Variants in SH3TC1 observed in about 807,000 individuals in gnomAD.
SH3TC1 encodes the protein SH3 domain and tetratricopeptide repeats 1.
Under a neutral mutation model 117.3 loss-of-function variants are expected in SH3TC1, and 135 were observed. The observed-to-expected ratio is 1.15, with a 90% CI of 1.00 to 1.33. SH3TC1 has a LOEUF of 1.33. SH3TC1 is among the 40% of genes most tolerant of loss of function. The probability of loss-of-function intolerance (pLI) is 0.00; values close to 1 mark genes in which losing one functional copy is unlikely to be tolerated. For missense variants in SH3TC1, 2,092 were observed against 1,794.3 expected, an observed-to-expected ratio of 1.17 and a Z score of -3.00; for synonymous variants, 898 against 816.9, an observed-to-expected ratio of 1.10 and a Z score of -1.69.
rs1284585546 is a variant in SH3TC1 at position 8,237,548 on chromosome 4, G to C, written c.3631G>C (p.Ala1211Pro). 6.2e-7 allele frequency: 1 copy of C among 1,611,066 alleles called. No homozygotes were observed. The highest frequency in any genetic ancestry group is 1.1e-5 in the South Asian group (1 of 90,690). Residue 1211 changes from alanine to proline, a missense_variant, in exon 17 of 18, where the codon GCA (alanine) becomes CCA (proline). Transcript: ENST00000245105. ...LQHRLGHGEL[A>P]EHFYLKALSL... is the part of the protein sequence containing the mutation. ...ACACCGACTGGGCCATGGCGAGCTG[G>C]CAGAGCACTTCTACCTCAAGGCCCT...
intron 3 of SH3TC1, among the ~76,000 whole-genome samples, chr4:8,211,637 A>T (rs1205106560): frequency 1.3e-5 from 2 of 150,724 alleles, no homozygotes; most frequent in Non-Finnish European, 2.9e-5. Flanking sequence ...CCGAGTCTTG[A>T]CCTGGAGGAT....
Position 8,191,788 on chromosome 4 carries a change from G to A in SH3TC1, c.-57+9578G>A, listed in dbSNP as rs138010587. ...AGGGCTTGATAATGCCTTGGGAGGT[G>A]TGCGGGGCCATCTTTGCTTGTTTGT... On this transcript the variant is annotated intron_variant, in intron 1 of 16. Transcript: ENST00000508641. Among the ~76,000 whole-genome samples the A allele has an allele frequency of 3.3e-5, 5 of 152,104 alleles. No homozygotes were observed. In the East Asian group the frequency reaches 9.7e-4, roughly 30 times the overall value.
intron 12 of SH3TC1, among the ~76,000 whole-genome samples, chr4:8,230,801 T>TTTTTTTTTTG (rs397963394): frequency 2.9e-5 from 4 of 137,834 alleles, no homozygotes; most frequent in Non-Finnish European, 6.4e-5. Context: ...TTTTTTTTTT[T>TTTTTTTTTTG]AGACAGAGTT....
At chr4:8,201,219 C>T (rs529293087) in intron 1 of SH3TC1, among the ~76,000 whole-genome samples, 22 of 152,348 alleles carry the variant, frequency 1.4e-4, no homozygotes, top group African/African-American at 4.8e-4. Flanking sequence ...TCTTCCAACC[C>T]ACATTCACCA....
Position 8,237,659 on chromosome 4 carries a change from T to C in SH3TC1, c.3742T>C (p.Tyr1248His), listed in dbSNP as rs148078169. The C allele has an allele frequency of 2.5e-6, 4 of 1,603,484 alleles. No individual in the cohort carries two copies. The highest frequency in any genetic ancestry group is 3.4e-6 in the Non-Finnish European group (4 of 1,174,036). Residue 1248 changes from tyrosine to histidine, a missense_variant, in exon 17 of 18, where the codon TAC becomes CAC. Physicochemically the swap from Tyr to His is moderately conservative, Grantham distance 83. Transcript: ENST00000245105. ...CCTGGTGCTCGGTGACATCATCTTC[T>C]ACGACCTGAAGGTGGGTGGGGAGGG... ...VYLVLGDIIFYDLKDPFDAAG... is the reference protein window; with the variant it reads ...VYLVLGDIIFHDLKDPFDAAG...
intron 12 of SH3TC1, among the ~76,000 whole-genome samples, chr4:8,230,080 C>T (rs1046127966): frequency 6.6e-6 from 1 of 151,910 alleles, no homozygotes; most frequent in African/African-American, 2.4e-5. Flanking sequence ...TCGAGAAGAC[C>T]GAGGGTGGGG....
At chr4:8,211,975 C>T (rs776990837) in intron 3 of SH3TC1, among the ~76,000 whole-genome samples, 1 of 151,950 alleles carries the variant, frequency 6.6e-6, no homozygotes, top group Non-Finnish European at 1.5e-5. Context: ...GAGGGAGGGC[C>T]AGGTGTGGAC....
intron 15 of SH3TC1, 24 bp from the exon 16 acceptor site, chr4:8,236,254 T>C: frequency 1.3e-6 from 2 of 1,530,448 alleles, no homozygotes; most frequent in African/African-American, 1.4e-5. Flanking sequence ...GCGGGAAGCC[T>C]GACCCCACCT....
At chr4:8,182,101 A>G (rs1365557362) in exon 1 of SH3TC1, 2 of 152,358 alleles carry the variant, frequency 1.3e-5, no homozygotes, top group Non-Finnish European at 1.5e-5. Flanking sequence ...TTGCCTGGAC[A>G]GGGTGCTGGG....
intron 14 of SH3TC1, among the ~76,000 whole-genome samples, chr4:8,233,922 CTCTTT>C (rs1721508268): frequency 6.9e-6 from 1 of 145,468 alleles, no homozygotes. Flanking sequence ...CATTCATCCA[CTCTTT>C]TGTCATCCAT....
chr4:8,218,323 G>C lies in SH3TC1; in HGVS notation c.892G>C (p.Val298Leu). 6.2e-7 allele frequency: 1 copy of C among 1,611,690 alleles called. No homozygotes were observed. The highest frequency in any genetic ancestry group is 1.1e-5 in the South Asian group (1 of 90,862). The change falls in exon 8 of 18, where the codon GTG becomes CTG. Residue 298 changes from valine (V) to leucine (L), a missense_variant. Transcript: ENST00000245105. ...DPIDDAMGGP[V>L]MPGNPLMAVG... The stretch of plus-strand genomic sequence containing the variant: ...CATCGACGATGCCATGGGTGGCCCT[G>C]TGATGCCCGGCAACCCGCTGATGGG...
intron 6 of SH3TC1, among the ~76,000 whole-genome samples, 174 bp downstream of exon 6, chr4:8,216,431 T>C (rs1051415661): frequency 6.6e-6 from 1 of 152,134 alleles, no homozygotes; most frequent in African/African-American, 2.4e-5. Context: ...GCACTGTCAC[T>C]TAGCTCTAGA....
At position 8,240,851 on chromosome 4, in the gene SH3TC1, A is replaced by C; in HGVS notation, c.3907A>C (p.Lys1303Gln). 2 of 1,613,938 alleles carry C rather than the reference A, an allele frequency of 1.2e-6. No homozygotes were observed. Among genetic ancestry groups the C allele is most frequent in the Non-Finnish European group, 1.7e-6 (2 of 1,180,032 alleles). Residue 1303 changes from lysine to glutamine, a missense_variant, in exon 18 of 18, where the codon AAG becomes CAG. Physicochemically the swap from Lys to Gln is moderately conservative, Grantham distance 53. Coordinates refer to ENST00000245105, the MANE Select transcript of SH3TC1 (RefSeq NM_018986.5). The stretch of plus-strand genomic sequence containing the variant: ...TGAGAAGTCGCTCTTCTTCTACCAG[A>C]AGGCCAGGACCTTCGCCACAGAGCT... ...DREKSLFFYQ[K>Q]ARTFATELNV...
chr4:8,218,676 G>A (rs1362585225), intron 8 of SH3TC1, among the ~76,000 whole-genome samples: 1 of 152,234 alleles, frequency 6.6e-6, no homozygotes, highest in Non-Finnish European at 1.5e-5. Context: ...CTCAGACAGT[G>A]CAACCCAACA....
chr4:8,190,910 A>G lies in SH3TC1; in HGVS notation c.-57+8700A>G, dbSNP rs1225772797. Among the ~76,000 whole-genome samples the G allele has an allele frequency of 6.6e-6, 1 of 150,428 alleles. No individual in the cohort carries two copies. The highest frequency in any genetic ancestry group is 1.5e-5 in the Non-Finnish European group (1 of 67,192). On this transcript the variant is annotated intron_variant, in intron 1 of 16. Transcript: ENST00000508641. This position sits in a 1 kb window ranked among gnomAD's most constrained non-coding sequence, Gnocchi z 4.7. ...TCCTGCCTCGGCCTCCTAAAGTGCT[A>G]GGATTACAGGCGTAATCCACTGCGC...
At chr4:8,185,487 C>T (rs1226916696) in intron 1 of SH3TC1, among the ~76,000 whole-genome samples, 1 of 151,996 alleles carries the variant, frequency 6.6e-6, no homozygotes, top group Non-Finnish European at 1.5e-5. Flanking sequence ...ACTCAGCTCC[C>T]CACTGTTGCC....
chr4:8,200,675 G>A (rs1342186680), intron 1 of SH3TC1, among the ~76,000 whole-genome samples: 3 of 152,252 alleles, frequency 2.0e-5, no homozygotes, highest in African/African-American at 7.2e-5. Flanking sequence ...TGCTGCCAGA[G>A]CGCAGGACAC....
chr4:8,208,633 G>T (rs1360059893), intron 2 of SH3TC1, among the ~76,000 whole-genome samples: 4 of 152,178 alleles, frequency 2.6e-5, no homozygotes, highest in African/African-American at 9.7e-5. Context: ...GATAACAGGC[G>T]TGAGCCACTG....
At chr4:8,221,687 A>T (rs940264511) in intron 9 of SH3TC1, among the ~76,000 whole-genome samples, 3 of 152,238 alleles carry the variant, frequency 2.0e-5, no homozygotes, top group Non-Finnish European at 4.4e-5. Context: ...AAACCAGGAC[A>T]TCTGCTTACA....
Sources: allele counts gnomAD v4.1 joint callset (sites outside exome capture counted in the v4.1 genomes callset), GRCh38; gene constraint gnomAD v4.1.1; non-coding constraint Gnocchi (gnomAD v3.1); transcripts MANE v1.5; gene names NCBI Gene and HGNC (gene_info 2026-07-23, HGNC 2026-07-21).